Variants in REEP5 observed in about 807,000 individuals in gnomAD.
REEP5 encodes receptor expression-enhancing protein 5.
In REEP5, 24 loss-of-function variants were observed where a neutral mutation model predicts 22.4. The ratio of observed to expected loss-of-function variants is 1.07; its 90% CI spans 0.78 to 1.51. REEP5 has a LOEUF of 1.51. Among genes scored for constraint, REEP5 ranks in the 40% most tolerant of loss-of-function variants. The pLI is 0.00. For missense variants in REEP5, 252 were observed against 233.0 expected (o/e 1.08, Z -0.53); for synonymous variants, 103 against 88.6 (o/e 1.16, Z -0.92).
chr5:112,907,454 A>G (rs964443736), intron 2 of REEP5, among the ~76,000 whole-genome samples: 2 of 152,128 alleles, frequency 1.3e-5, no homozygotes, highest in Non-Finnish European at 2.9e-5. Context: ...GCCACCTACC[A>G]TGTTCTGGGG....
chr5:112,910,063 G>C (rs1430150354), intron 2 of REEP5, among the ~76,000 whole-genome samples: 1 of 152,216 alleles, frequency 6.6e-6, no homozygotes, highest in African/African-American at 2.4e-5. Context: ...AGCATTTTGG[G>C]AGGCCAAGGA....
intron 3 of REEP5, chr5:112,894,106 G>GC (rs1177795109): frequency 7.3e-6 from 1 of 137,916 alleles, no homozygotes; most frequent in Non-Finnish European, 1.5e-5. Flanking sequence ...GGTTGGTTTT[G>GC]TTTTTTTGGT....
intron 3 of REEP5, chr5:112,896,492 C>T (rs945732520): frequency 3.3e-5 from 5 of 151,994 alleles, no homozygotes; most frequent in African/African-American, 1.2e-4. Context: ...CACTTCACTC[C>T]ACTCCAGCCT....
At chr5:112,895,633 C>T (rs1210221642) in intron 3 of REEP5, 2 of 152,178 alleles carry the variant, frequency 1.3e-5, no homozygotes, top group Non-Finnish European at 2.9e-5. Flanking sequence ...TAGCTACATC[C>T]TTAGCATTTT....
chr5:112,884,505 GTA>G (rs140186898), intron 4 of REEP5, among the ~76,000 whole-genome samples: 4,486 of 151,836 alleles, frequency 0.03, 229 homozygotes, highest in African/African-American at 0.1. Context: ...AGCCTCCTGA[GTA>G]GCTGGCACCA....
intron 2 of REEP5, among the ~76,000 whole-genome samples, chr5:112,907,870 T>C (rs1768989054): frequency 6.6e-6 from 1 of 152,114 alleles, no homozygotes; most frequent in Non-Finnish European, 1.5e-5. Flanking sequence ...GTGTAAAAAG[T>C]GAATTCTAAT....
intron 1 of REEP5, 78 bp downstream of exon 1, chr5:112,921,995 C>T: frequency 6.6e-7 from 1 of 1,512,098 alleles, no homozygotes; most frequent in Non-Finnish European, 8.9e-7. Flanking sequence ...CGAGTCCTCT[C>T]CCTGCTTCCT....
At chr5:112,881,563 G>C (rs1446880119) in intron 4 of REEP5, among the ~76,000 whole-genome samples, 1 of 152,114 alleles carries the variant, frequency 6.6e-6, no homozygotes, top group East Asian at 1.9e-4. Flanking sequence ...AGTGGTGGCT[G>C]TTTCTTTCCT....
chr5:112,912,145 C>A (rs536766973), intron 2 of REEP5, among the ~76,000 whole-genome samples: 34 of 152,242 alleles, frequency 2.2e-4, no homozygotes, highest in African/African-American at 8.2e-4. Context: ...CCACCTTTTA[C>A]ATATGAGAAA....
At chr5:112,912,920 G>C (rs1387559328) in intron 2 of REEP5, among the ~76,000 whole-genome samples, 1 of 152,216 alleles carries the variant, frequency 6.6e-6, no homozygotes, top group Non-Finnish European at 1.5e-5. Flanking sequence ...AGGAAACTAT[G>C]CGTGATCAGA....
chr5:112,914,014 C>A (rs918748331), intron 2 of REEP5, among the ~76,000 whole-genome samples: 1 of 151,616 alleles, frequency 6.6e-6, no homozygotes, highest in African/African-American at 2.4e-5. Flanking sequence ...AATTAGTACA[C>A]ACCTGTAGTC....
chr5:112,883,092 T>C (rs1168741950), intron 4 of REEP5, among the ~76,000 whole-genome samples: 2 of 152,242 alleles, frequency 1.3e-5, no homozygotes, highest in Non-Finnish European at 2.9e-5. Flanking sequence ...ATTATTCCCA[T>C]TAATTTTCAA....
At chr5:112,917,967 T>C (rs1769266881) in intron 2 of REEP5, among the ~76,000 whole-genome samples, 1 of 152,144 alleles carries the variant, frequency 6.6e-6, no homozygotes, top group Non-Finnish European at 1.5e-5. Flanking sequence ...ACTGCATACT[T>C]TAAAAGTGTA....
chr5:112,905,564 A>ACG (rs1357198703), intron 2 of REEP5, among the ~76,000 whole-genome samples: 202 of 148,056 alleles, frequency 1.4e-3, no homozygotes, highest in African/African-American at 4.8e-3. Flanking sequence ...AACAAAAAAA[A>ACG]AACAAACTTG....
intron 4 of REEP5, among the ~76,000 whole-genome samples, chr5:112,886,625 A>G (rs1223195651): frequency 6.6e-6 from 1 of 152,204 alleles, no homozygotes; most frequent in South Asian, 2.1e-4. Context: ...TTTTCCTGCT[A>G]GTATAGCTTT....
intron 2 of REEP5, among the ~76,000 whole-genome samples, chr5:112,908,840 C>A (rs986576196): frequency 6.6e-6 from 1 of 151,482 alleles, no homozygotes; most frequent in African/African-American, 2.4e-5. Flanking sequence ...CAGGCGTGAG[C>A]CACCATGCCC....
At chr5:112,901,271 G>A (rs1768836467) in intron 3 of REEP5, among the ~76,000 whole-genome samples, 1 of 152,084 alleles carries the variant, frequency 6.6e-6, no homozygotes, top group African/African-American at 2.4e-5. Context: ...GAAAATATTA[G>A]CAATATGAAA....
At chr5:112,885,096 T>C (rs1185145694) in intron 4 of REEP5, 1 of 157,896 alleles carries the variant, frequency 6.3e-6, no homozygotes, top group Non-Finnish European at 1.4e-5. Flanking sequence ...CGTCAGGGCC[T>C]CCAAAGTACT....
At chr5:112,905,563 A>AAC (rs1561656833) in intron 2 of REEP5, among the ~76,000 whole-genome samples, 1 of 147,524 alleles carries the variant, frequency 6.8e-6, no homozygotes, top group African/African-American at 2.5e-5. Flanking sequence ...AAACAAAAAA[A>AAC]AAACAAACTT....
Sources: gnomAD v4.1 joint callset for allele counts (sites outside exome capture counted in the v4.1 genomes callset) on GRCh38, gnomAD v4.1.1 for gene constraint, MANE v1.5 for transcripts, NCBI Gene and HGNC (gene_info 2026-07-23, HGNC 2026-07-21) for gene names.